Variants in RPA3 observed in about 807,000 individuals in gnomAD.
RPA3 encodes the protein replication protein A3.
RPA3 carries 24 observed loss-of-function variants against 13.7 expected under a neutral mutation model. That is an observed-to-expected ratio of 1.75 (90% confidence interval 1.27 to 2.46). The LOEUF (loss-of-function observed/expected upper bound fraction) is 2.46, where lower values mean the gene tolerates loss of function less well. Ranked by LOEUF, RPA3 falls within the 30% of genes most tolerant of loss-of-function variation. RPA3 has a pLI of 0.00. For synonymous variants in RPA3, 59 were observed against 51.2 expected (o/e 1.15, Z -0.65); for missense variants, 183 against 151.0 (o/e 1.21, Z -1.11).
intron 4 of RPA3, among the ~76,000 whole-genome samples, chr7:7,685,459 G>A (rs540735969): frequency 6.6e-6 from 1 of 151,962 alleles, no homozygotes; most frequent in South Asian, 2.1e-4. Flanking sequence ...ACAGGTGTGC[G>A]CCACCACGCC....
intron 4 of RPA3, among the ~76,000 whole-genome samples, chr7:7,657,049 C>G (rs1304163931): frequency 6.6e-6 from 1 of 152,160 alleles, no homozygotes; most frequent in Non-Finnish European, 1.5e-5. Context: ...TTTTGATTTG[C>G]ATTTCTCTAA....
chr7:7,692,334 T>C (rs1263591271), intron 2 of RPA3: 2 of 152,142 alleles, frequency 1.3e-5, no homozygotes, highest in African/African-American at 4.8e-5. Flanking sequence ...AACTTTTTTC[T>C]TGTACTCCTG....
intron 4 of RPA3, among the ~76,000 whole-genome samples, chr7:7,661,360 AGTTATGATCCTTTGGAG>A (rs1327656427): frequency 6.6e-6 from 1 of 151,964 alleles, no homozygotes; most frequent in East Asian, 1.9e-4. Flanking sequence ...GCTGCTGAGG[AGTTATGATCCTTTGGAG>A]GAGAAGGGGC....
At chr7:7,700,908 G>T (rs1157153850) in intron 2 of RPA3, among the ~76,000 whole-genome samples, 1 of 151,966 alleles carries the variant, frequency 6.6e-6, no homozygotes, top group Non-Finnish European at 1.5e-5. Flanking sequence ...CAAAATGCCA[G>T]GCATGGTGGT....
intron 2 of RPA3, among the ~76,000 whole-genome samples, chr7:7,710,763 T>C (rs1780737538): frequency 6.6e-6 from 1 of 152,210 alleles, no homozygotes; most frequent in Non-Finnish European, 1.5e-5. Context: ...ATTTTATTCA[T>C]AATAGACCCA....
Position 7,636,867 on chromosome 7 carries a change from C to G in RPA3, c.*133G>C. On this transcript the variant is annotated 3_prime_UTR_variant, in exon 8 of 8. Coordinates refer to ENST00000223129, the MANE Select transcript of RPA3 (RefSeq NM_002947.5). ...GTCAATATATCAGTTCCATCAAAAACTCTAGGTTGGAATATCTTAAAAACA... is the reference window on the plus strand; with the variant it reads ...GTCAATATATCAGTTCCATCAAAAAGTCTAGGTTGGAATATCTTAAAAACA... The G allele has an allele frequency of 1.4e-6, 1 of 699,096 alleles. No individual in the cohort carries two copies. The highest frequency in any genetic ancestry group is 2.5e-6 in the Non-Finnish European group (1 of 401,410). 43.3% of individuals were successfully genotyped at this position (699,096 alleles called of 1,614,324 possible).
intron 4 of RPA3, among the ~76,000 whole-genome samples, chr7:7,678,524 AT>A (rs1779811029): frequency 7.1e-6 from 1 of 140,470 alleles, no homozygotes; most frequent in Non-Finnish European, 1.5e-5. Flanking sequence ...AGATAAATAT[AT>A]TTATATACTT....
chr7:7,641,431 A>G (rs1306754026), intron 4 of RPA3: 1 of 152,152 alleles, frequency 6.6e-6, no homozygotes, highest in Non-Finnish European at 1.5e-5. Flanking sequence ...CATCTGCAAA[A>G]CGAAGGGTTA....
chr7:7,662,488 G>A (rs1427868213), intron 4 of RPA3, among the ~76,000 whole-genome samples: 1 of 152,216 alleles, frequency 6.6e-6, no homozygotes, highest in Non-Finnish European at 1.5e-5. Flanking sequence ...TGCGAAGACC[G>A]TGGGAAAAGC....
intron 4 of RPA3, among the ~76,000 whole-genome samples, chr7:7,642,653 T>G (rs916388721): frequency 2.6e-5 from 4 of 152,162 alleles, no homozygotes; most frequent in African/African-American, 9.7e-5. Flanking sequence ...AAATACATGA[T>G]GTACAGAAAA....
chr7:7,698,833 G>A (rs533305315), intron 2 of RPA3, among the ~76,000 whole-genome samples: 100 of 151,402 alleles, frequency 6.6e-4, no homozygotes, highest in African/African-American at 2.4e-3. Context: ...TGACATTTCT[G>A]GCTGTGGATT....
rs1563112449 is a variant in RPA3 at position 7,677,671 on chromosome 7, T to TG, written c.-758+8158_-758+8159insC. On this transcript the variant is annotated intron_variant, in intron 4 of 7. Coordinates refer to ENST00000223129, the MANE Select transcript of RPA3 (RefSeq NM_002947.5). ...CTATTCATCTGTTTTTTTGTTTTTT[T>TG]TTTTTTTTTTTTTTTTTTTTGAGAC... Among the ~76,000 whole-genome samples, 14 of 133,906 alleles carry TG rather than the reference T, an allele frequency of 1.0e-4. 2 individuals are homozygous for TG. The highest frequency in any genetic ancestry group is 7.4e-5 in the Admixed American group (1 of 13,488). 87.8% of individuals were successfully genotyped at this position (133,906 alleles called of 152,430 possible).
intron 4 of RPA3, among the ~76,000 whole-genome samples, chr7:7,646,787 C>G (rs149594058): frequency 6.6e-6 from 1 of 152,206 alleles, no homozygotes; most frequent in Non-Finnish European, 1.5e-5. Flanking sequence ...CACTCAGATG[C>G]TTCCTCTCTT....
At chr7:7,717,565 A>T (rs1399239050) in intron 1 of RPA3, among the ~76,000 whole-genome samples, 1 of 152,150 alleles carries the variant, frequency 6.6e-6, no homozygotes, top group Non-Finnish European at 1.5e-5. Context: ...ATGATTTCCC[A>T]CTTTAACTGA....
At chr7:7,676,119 T>C in intron 4 of RPA3, 1 of 398,618 alleles carries the variant, frequency 2.5e-6, no homozygotes. Context: ...TCAGAGGCTC[T>C]CCAGTGACGT....
At chr7:7,699,036 G>C (rs58798864) in intron 2 of RPA3, among the ~76,000 whole-genome samples, 2,793 of 122,568 alleles carry the variant, frequency 0.023, 86 homozygotes, top group African/African-American at 0.079. Context: ...TATATAGTTT[G>C]TGTGTGTGTG....
chr7:7,638,031 T>C, intron 6 of RPA3, 59 bp from the exon 7 acceptor site: 1 of 1,338,902 alleles, frequency 7.5e-7, no homozygotes, highest in Non-Finnish European at 1.1e-6. Context: ...GACAATTATT[T>C]TGGAAAACTG....
chr7:7,706,343 G>C (rs1277791096), intron 2 of RPA3, among the ~76,000 whole-genome samples: 1 of 152,130 alleles, frequency 6.6e-6, no homozygotes, highest in Non-Finnish European at 1.5e-5. Flanking sequence ...TATCACCCTA[G>C]TCTGGGTTTG....
intron 4 of RPA3, among the ~76,000 whole-genome samples, chr7:7,649,568 TTTG>T (rs1161922385): frequency 6.6e-6 from 1 of 152,172 alleles, no homozygotes; most frequent in Admixed American, 6.5e-5. Context: ...TGTGTTCTGT[TTTG>T]TTGTTATTTT....
Sources: gnomAD v4.1 joint callset for allele counts (sites outside exome capture counted in the v4.1 genomes callset) on GRCh38, gnomAD v4.1.1 for gene constraint, MANE v1.5 for transcripts, NCBI Gene and HGNC (gene_info 2026-07-23, HGNC 2026-07-21) for gene names.